Variants in LTN1 observed in about 807,000 individuals in gnomAD.
The protein encoded by LTN1 is listerin E3 ubiquitin protein ligase 1.
Under a neutral mutation model 201.2 loss-of-function variants are expected in LTN1, and 88 were observed. The observed-to-expected ratio is 0.44, with a 90% CI of 0.37 to 0.52. LTN1 has a LOEUF of 0.52. LTN1 is among the 20% of genes least tolerant of loss of function. The pLI is 0.00. For missense variants in LTN1, 1,752 were observed against 2,038.7 expected (o/e 0.86, Z 2.71); for synonymous variants, 645 against 713.5 (o/e 0.90, Z 1.53).
rs184945758 is a variant in LTN1 at position 28,955,699 on chromosome 21, C to T, written c.3079+1063G>A. Among the ~76,000 whole-genome samples, 677 of 151,820 alleles carry T rather than the reference C, an allele frequency of 4.5e-3. 2 individuals carry two copies. Among genetic ancestry groups the T allele is most frequent in the African/African-American group, 0.015 (613 of 41,376 alleles). On this transcript the variant is annotated intron_variant, in intron 16 of 29. Coordinates refer to ENST00000361371, the MANE Select transcript of LTN1 (RefSeq NM_015565.3). ...CAGCACTTTGGGAGGCTGAGACGGG[C>T]GGATCACGAGGTCAGGAGTTCAAGA... is the stretch of plus-strand genomic sequence containing the variant.
intron 16 of LTN1, among the ~76,000 whole-genome samples, chr21:28,955,579 T>C (rs2084418102): frequency 6.6e-6 from 1 of 151,886 alleles, no homozygotes; most frequent in Non-Finnish European, 1.5e-5. Flanking sequence ...AGTGAATGAA[T>C]GGATATATAA....
chr21:28,982,300 A>C lies in LTN1; in HGVS notation c.629+16T>G. ...CAAATCCTTAACATGAGTTACAATG[A>C]AACAATACAACTTACTGCGGGTCAC... is the stretch of plus-strand genomic sequence containing the variant. On this transcript the variant is annotated intron_variant, in intron 5 of 29. Coordinates refer to ENST00000361371, the MANE Select transcript of LTN1 (RefSeq NM_015565.3). 6 of 1,602,712 alleles carry C rather than the reference A, an allele frequency of 3.7e-6. No individual in the cohort carries two copies. The highest frequency in any genetic ancestry group is 5.1e-6 in the Non-Finnish European group (6 of 1,169,690).
chr21:28,977,493 C>T (rs746514251), intron 6 of LTN1, among the ~76,000 whole-genome samples: 12 of 151,954 alleles, frequency 7.9e-5, no homozygotes, highest in Non-Finnish European at 1.2e-4. Context: ...GAGGCTGAGG[C>T]GGGCAGATCA....
At chr21:28,936,121 T>G (rs2084254986) in intron 26 of LTN1, among the ~76,000 whole-genome samples, 1 of 152,156 alleles carries the variant, frequency 6.6e-6, no homozygotes, top group Non-Finnish European at 1.5e-5. Flanking sequence ...TTTAAAAAAC[T>G]CATATTCTTA....
chr21:28,951,696 A>G (rs1017177152), intron 18 of LTN1, among the ~76,000 whole-genome samples: 2 of 152,150 alleles, frequency 1.3e-5, no homozygotes, highest in African/African-American at 4.8e-5. Context: ...TGTCGGCCAG[A>G]CATGGTGGCT....
intron 28 of LTN1, among the ~76,000 whole-genome samples, chr21:28,931,969 C>T (rs1211492375): frequency 6.6e-6 from 1 of 152,024 alleles, no homozygotes; most frequent in African/African-American, 2.4e-5. Flanking sequence ...TGCCATTGCA[C>T]TTCAGCCTGG....
chr21:28,945,908 C>G lies in LTN1; in HGVS notation c.3667G>C (p.Glu1223Gln). 8.1e-6 allele frequency: 13 copies of G among 1,613,584 alleles called. No homozygotes were observed. Among genetic ancestry groups the G allele is most frequent in the Non-Finnish European group, 1.1e-5 (13 of 1,179,630 alleles). ...ASPEVLGVNI[E>Q]IIRFLSLFLK... ...AATAGGGAAAGAAACCGGATTATTT[C>G]TATATTTACACCCAGTACCTCTGGA... is the stretch of plus-strand genomic sequence containing the variant. The change falls in exon 21 of 30, where the codon GAA becomes CAA. Residue 1223 changes from glutamate (E) to glutamine (Q), a missense_variant. Glu to Gln is a conservative substitution (Grantham distance 29, BLOSUM62 2). Transcript: ENST00000361371.
At chr21:28,961,847 C>T (rs1198522608) in intron 11 of LTN1, among the ~76,000 whole-genome samples, 1 of 152,084 alleles carries the variant, frequency 6.6e-6, no homozygotes, top group Admixed American at 6.6e-5. Flanking sequence ...CTTGTCTCTA[C>T]TAAAAATTCA....
intron 6 of LTN1, among the ~76,000 whole-genome samples, chr21:28,973,709 A>T (rs1035144695): frequency 6.6e-6 from 1 of 152,200 alleles, no homozygotes; most frequent in African/African-American, 2.4e-5. Context: ...ATTGTAAAAC[A>T]TTATTCTAGA....
At chr21:28,988,730 G>A (rs111994673) in intron 1 of LTN1, among the ~76,000 whole-genome samples, 31,806 of 151,726 alleles carry the variant, frequency 0.21, 3,758 homozygotes, top group South Asian at 0.28. Context: ...ACTTCGGGAG[G>A]CTGAGGAGGG....
rs748611477 is a variant in LTN1 at position 28,957,394 on chromosome 21, T to G, written c.2830A>C (p.Ile944Leu). ...SEDSYLMGVYIGSVMPNDSEW... is the reference protein window; with the variant it reads ...SEDSYLMGVYLGSVMPNDSEW... ...CTGTCGTTCGGCATTACACTTCCAA[T>G]ATAAACTCCCATAAGATAAGAATCT... The change falls in exon 15 of 30, where the codon ATT (isoleucine) becomes CTT (leucine). Residue 944 changes from isoleucine to leucine, a missense_variant. Coordinates refer to ENST00000361371, the MANE Select transcript of LTN1 (RefSeq NM_015565.3). 5.6e-6 allele frequency: 9 copies of G among 1,608,924 alleles called. No individual in the cohort carries two copies. In the Admixed American group the frequency reaches 1.4e-4, roughly 25 times the overall value.
chr21:28,932,938 A>C (rs2084223107), intron 27 of LTN1, among the ~76,000 whole-genome samples: 1 of 152,224 alleles, frequency 6.6e-6, no homozygotes, highest in Non-Finnish European at 1.5e-5. Context: ...ATAATAGTTC[A>C]ATAAACCTTG....
Position 28,943,672 on chromosome 21 carries a change from T to C in LTN1, c.4215A>G (p.Leu1405=), listed in dbSNP as rs1364620230. 1.9e-6 allele frequency: 3 copies of C among 1,586,824 alleles called. No individual in the cohort carries two copies. Among genetic ancestry groups the C allele is most frequent in the East Asian group, 2.2e-5 (1 of 44,690 alleles). ...RPVQIAVYHM[L]YKLMPELPQY... is the part of the protein sequence containing the mutation. ...TCAATTGGATGAATTCTTACTTGTATAGCATATGATAAACAGCAATTTGCA... is the reference window on the plus strand; with the variant it reads ...TCAATTGGATGAATTCTTACTTGTACAGCATATGATAAACAGCAATTTGCA... The change falls in exon 23 of 30, where the codon CTA becomes CTG. Residue 1405 remains leucine (L), a synonymous_variant. Coordinates refer to ENST00000361371, the MANE Select transcript of LTN1 (RefSeq NM_015565.3).
rs755177006 is a variant in LTN1, at chr21:28,966,882, C to T, written c.1609G>A (p.Gly537Ser). The change falls in exon 10 of 30, where the codon GGT becomes AGT. Residue 537 changes from glycine (G) to serine (S), a missense_variant. This residue lies in a region of LTN1 where 1,211 missense variants were observed against 1,312.8 expected (regional missense o/e 0.92). Transcript: ENST00000361371. ...ATCTCATCAGCAAATCTAACCTTAC[C>T]ATTTTTTTTTTTACTTGACTTCAAT... ...SSLKSSKKKN[G>S]KVRFADEILE... 8 of 1,611,714 alleles carry T rather than the reference C, an allele frequency of 5.0e-6. No homozygotes were observed. In the African/African-American group the frequency reaches 6.7e-5, roughly 13 times the overall value.
chr21:28,967,073 G>A lies in LTN1; in HGVS notation c.1418C>T (p.Thr473Met), dbSNP rs752825301. 147 of 1,613,858 alleles carry A rather than the reference G, an allele frequency of 9.1e-5. 2 individuals carry two copies. The highest frequency in any genetic ancestry group is 4.6e-4 in the South Asian group (42 of 91,070). The change falls in exon 10 of 30, where the codon ACG becomes ATG. Residue 473 changes from threonine (T) to methionine (M), a missense_variant. By Grantham distance (81) the Thr-to-Met change is moderately conservative. Around this residue, in one of 3 missense-constraint regions of LTN1, gnomAD observed 1,211 missense variants for 1,312.8 expected, o/e 0.92. Coordinates refer to ENST00000361371, the MANE Select transcript of LTN1 (RefSeq NM_015565.3). ...GTGAGCTGTTTTTTCATCTTTTTCC[G>A]TGTCTGCTTTGGCTTCCCAGGAACT... ...TLSSWEAKAD[T>M]EKDEKTAHNL...
Position 28,930,466 on chromosome 21 carries a change from A to C in LTN1, c.5283T>G (p.Cys1761Trp). The change falls in exon 30 of 30, where the codon TGT becomes TGG. Residue 1761 changes from cysteine (C) to tryptophan (W), a missense_variant. Transcript: ENST00000361371. ...TSSNKSTCPLCRETFF is the reference protein window; with the variant it reads ...TSSNKSTCPLWRETFF ...AAAAATCTCAGAAAAACGTCTCACG[A>C]CACAGTGGACAAGTGGATTTGTTGC... is the stretch of plus-strand genomic sequence containing the variant. The C allele has an allele frequency of 6.2e-7, 1 of 1,613,276 alleles. No homozygotes were observed. The highest frequency in any genetic ancestry group is 8.5e-7 in the Non-Finnish European group (1 of 1,179,512).
chr21:28,955,107 A>G (rs887209647), intron 16 of LTN1, among the ~76,000 whole-genome samples: 1 of 152,146 alleles, frequency 6.6e-6, no homozygotes, highest in Non-Finnish European at 1.5e-5. Context: ...AAAAAATCCC[A>G]TGCTCAATAT....
At chr21:28,979,164 A>G (rs1461996196) in intron 6 of LTN1, among the ~76,000 whole-genome samples, 1 of 152,224 alleles carries the variant, frequency 6.6e-6, no homozygotes, top group Non-Finnish European at 1.5e-5. Context: ...CTGCCTAGTG[A>G]TGGCTAGAAT....
chr21:28,943,157 T>A (rs1366687750), intron 24 of LTN1, 105 bp downstream of exon 24: 3 of 579,808 alleles, frequency 5.2e-6, no homozygotes, highest in Non-Finnish European at 9.1e-6. Context: ...ATCTGTAGAA[T>A]GAATATAACT....
Sources: gnomAD v4.1 joint callset for allele counts (sites outside exome capture counted in the v4.1 genomes callset) on GRCh38, gnomAD v4.1.1 for gene constraint, gnomAD v4.1.1 regional missense constraint, MANE v1.5 for transcripts, NCBI Gene and HGNC (gene_info 2026-07-23, HGNC 2026-07-21) for gene names.